SUN1: variants seen among roughly 807,000 people sequenced by gnomAD.
SUN1 encodes the protein SUN domain-containing protein 1.
In SUN1, 61 loss-of-function variants were observed where a neutral mutation model predicts 103.2. That is an observed-to-expected ratio of 0.59 (90% CI 0.48 to 0.73). The LOEUF (loss-of-function observed/expected upper bound fraction) is 0.73. SUN1 is among the 30% of genes least tolerant of loss of function. The pLI is 0.00. For missense variants in SUN1, 1,052 were observed against 1,034.6 expected (o/e 1.02, Z -0.23); for synonymous variants, 490 against 425.7 (o/e 1.15, Z -1.86).
In SUN1 at chr7:874,358, TTA is replaced by T. The variant is rs1843303270; in HGVS notation, c.*1028_*1029del. ...GACTCTTTTTGGTTATAATTACTATTTAATATTTAGACTATTTTACTGAGCAG... is the reference window on the plus strand; with the variant it reads ...GACTCTTTTTGGTTATAATTACTATTATATTTAGACTATTTTACTGAGCAG... On this transcript the variant is annotated 3_prime_UTR_variant, in exon 19 of 19. Transcript: ENST00000401592. 1 of 152,606 alleles carries T rather than the reference TTA, an allele frequency of 6.6e-6. No homozygotes were observed. Among genetic ancestry groups the T allele is most frequent in the Non-Finnish European group, 1.5e-5 (1 of 68,006 alleles). The allele number at this position is 152,606 out of a possible 1,614,324, so 9.5% of individuals were successfully genotyped here.
chr7:816,182 C>T, upstream of SUN1: 1 of 245,204 alleles, frequency 4.1e-6, no homozygotes, highest in South Asian at 2.9e-5. Flanking sequence ...CTCCGCGATG[C>T]AGACCCCTCC....
intron 1 of SUN1, among the ~76,000 whole-genome samples, chr7:834,695 C>T (rs558060197): frequency 6.6e-5 from 10 of 152,322 alleles, no homozygotes; most frequent in Admixed American, 3.9e-4. Flanking sequence ...TCCATCACTA[C>T]CCTTGTCTTG....
At chr7:820,733 T>A (rs1785105574) in intron 1 of SUN1, among the ~76,000 whole-genome samples, 1 of 152,218 alleles carries the variant, frequency 6.6e-6, no homozygotes, top group South Asian at 2.1e-4. Flanking sequence ...TCCTGGCTTG[T>A]TGAGTGTTTT....
upstream of SUN1, among the ~76,000 whole-genome samples, chr7:829,136 C>T (rs1311070926): frequency 6.6e-6 from 1 of 152,232 alleles, no homozygotes; most frequent in East Asian, 1.9e-4. Flanking sequence ...CCAGGTTTTT[C>T]TGATGCCATT....
chr7:867,409 TG>T (rs1287262146), intron 16 of SUN1, among the ~76,000 whole-genome samples: 1 of 152,258 alleles, frequency 6.6e-6, no homozygotes, highest in Non-Finnish European at 1.5e-5. Flanking sequence ...TGTTCCTGCA[TG>T]GCGGTCCTGC....
upstream of SUN1, chr7:830,829 TG>T: frequency 2.2e-6 from 1 of 455,550 alleles, no homozygotes; most frequent in Non-Finnish European, 2.9e-6. Flanking sequence ...ATAGCGGGAG[TG>T]GGCGTTCGCT....
intron 2 of SUN1, among the ~76,000 whole-genome samples, chr7:840,088 A>G (rs534160683): frequency 2.0e-5 from 3 of 152,298 alleles, no homozygotes; most frequent in South Asian, 2.1e-4. Flanking sequence ...CGTTCCAGTC[A>G]TCTTTCTCTC....
In SUN1 at chr7:843,258, C is replaced by G. The variant is rs6970511; in HGVS notation, c.478+26C>G. 718,883 of 1,606,286 alleles carry G rather than the reference C, an allele frequency of 0.45. 162,481 individuals carry two copies. The highest frequency in any genetic ancestry group is 0.62 in the East Asian group (27,675 of 44,836). On this transcript the variant is annotated intron_variant, in intron 4 of 18. Coordinates refer to ENST00000401592, the MANE Select transcript of SUN1 (RefSeq NM_001130965.3). ...GTAATTATTTTAGTCCTTTTATCTT[C>G]ATATACTTTTCAAAATAGAAGTTTT...
chr7:825,328 T>C (rs370089328), intron 1 of SUN1, among the ~76,000 whole-genome samples: 1 of 152,314 alleles, frequency 6.6e-6, no homozygotes, highest in Admixed American at 6.5e-5. Context: ...TCCCAAAGTG[T>C]TGGGATTACA....
chr7:832,149 A>G, upstream of SUN1: 1 of 941,664 alleles, frequency 1.1e-6, no homozygotes, highest in East Asian at 8.5e-5. Context: ...CAGAAGACCG[A>G]GAACATTTTG....
At chr7:838,453 AAC>A (rs896335187) in intron 1 of SUN1, among the ~76,000 whole-genome samples, 5 of 152,162 alleles carry the variant, frequency 3.3e-5, no homozygotes, top group African/African-American at 1.2e-4. Flanking sequence ...TTGACGAGGA[AAC>A]ACACTCTGAT....
At chr7:829,442 C>G (rs1445417026), upstream of SUN1, among the ~76,000 whole-genome samples, 1 of 152,132 alleles carries the variant, frequency 6.6e-6, no homozygotes, top group Non-Finnish European at 1.5e-5. Context: ...CGCCTGCTGG[C>G]TGAGTCCTAG....
At position 874,471 on chromosome 7, in the gene SUN1, C is replaced by T. The variant is rs897665730; in HGVS notation, c.*1140C>T. ...TTATTTAAGTTGTGTTGGGTTAAGACAGTTTTCAGTGTACCGTAAATGTTG... is the reference window on the plus strand; with the variant it reads ...TTATTTAAGTTGTGTTGGGTTAAGATAGTTTTCAGTGTACCGTAAATGTTG... On this transcript the variant is annotated 3_prime_UTR_variant, in exon 19 of 19. Transcript: ENST00000401592. 1 of 152,744 alleles carries T rather than the reference C, an allele frequency of 6.5e-6. No individual in the cohort carries two copies. Among genetic ancestry groups the T allele is most frequent in the East Asian group, 1.9e-4 (1 of 5,184 alleles). 9.5% of individuals were successfully genotyped at this position (152,744 alleles called of 1,614,324 possible). A position where few individuals can be genotyped will look rare whatever the true frequency, so the allele number is the denominator to read the frequency against.
intron 1 of SUN1, among the ~76,000 whole-genome samples, chr7:819,709 CTTTT>C (rs60712364): frequency 7.7e-6 from 1 of 130,578 alleles, no homozygotes; most frequent in Non-Finnish European, 1.6e-5. Flanking sequence ...CAATGCCACC[CTTTT>C]TTTTTTTTTT....
chr7:868,053 G>C (rs529519611), intron 16 of SUN1, among the ~76,000 whole-genome samples: 1 of 152,386 alleles, frequency 6.6e-6, no homozygotes, highest in South Asian at 2.1e-4. Context: ...CAGCGCGGTA[G>C]AAGACGGCTT....
In SUN1 at chr7:838,945, CG is replaced by C. The variant is rs34080249; in HGVS notation, c.227del (p.Gly76AlafsTer8). 24 of 1,607,780 alleles carry C rather than the reference CG, an allele frequency of 1.5e-5. No homozygotes were observed. Among genetic ancestry groups the C allele is most frequent in the Non-Finnish European group, 2.0e-5 (24 of 1,177,858 alleles). ...GDGEAVGADS[G>X]TSSAVSLKNR... ...ATGGTGAGGCTGTGGGTGCCGACAG[CG>C]GCACCAGCAGCGCTGTCTCCCTGAA... On this transcript the variant is annotated frameshift_variant, in exon 2 of 19. Transcript: ENST00000401592. LOFTEE classifies it high-confidence loss of function.
At chr7:857,565 C>G (rs967792780) in intron 12 of SUN1, among the ~76,000 whole-genome samples, 2 of 152,224 alleles carry the variant, frequency 1.3e-5, no homozygotes, top group African/African-American at 4.8e-5. Flanking sequence ...CTGAGAAACA[C>G]TGCTAGCAGC....
intron 1 of SUN1, among the ~76,000 whole-genome samples, chr7:834,595 C>T (rs146888990): frequency 1.3e-5 from 2 of 152,298 alleles, no homozygotes; most frequent in Non-Finnish European, 2.9e-5. Flanking sequence ...CTCCTCGTAG[C>T]CCTGACCTCT....
chr7:842,616 G>T, intron 3 of SUN1: 1 of 190,110 alleles, frequency 5.3e-6, no homozygotes. Flanking sequence ...GGCTGACGTG[G>T]AGTCTGGGCA....
Sources: allele counts gnomAD v4.1 joint callset (sites outside exome capture counted in the v4.1 genomes callset), GRCh38; gene constraint gnomAD v4.1.1; transcripts MANE v1.5; gene names NCBI Gene and HGNC (gene_info 2026-07-23, HGNC 2026-07-21).